The following UNC13C variants were observed in gnomAD, a reference collection of about 807,000 sequenced individuals.
The protein encoded by UNC13C is protein unc-13 homolog C.
Under a neutral mutation model 245.4 loss-of-function variants are expected in UNC13C, and 174 were observed. The observed-to-expected ratio is 0.71, with a 90% CI of 0.63 to 0.80. The LOEUF (loss-of-function observed/expected upper bound fraction) is 0.80. Ranked by LOEUF, UNC13C falls within the 30% of genes least tolerant of loss-of-function variation. The pLI is 0.00. For synonymous variants in UNC13C, 992 were observed against 895.1 expected (o/e 1.11, Z -1.93); for missense variants, 2,829 against 2,602.9 (o/e 1.09, Z -1.89).
chr15:54,506,358 G>C (rs908811496), intron 22 of UNC13C, among the ~76,000 whole-genome samples: 1 of 152,070 alleles, frequency 6.6e-6, no homozygotes, highest in Non-Finnish European at 1.5e-5. Flanking sequence ...CAAAGTAATT[G>C]AACAGTATGT....
chr15:53,926,838 G>A, the UNC13C span, among the ~76,000 whole-genome samples: 7 of 152,162 alleles, frequency 4.6e-5, no homozygotes, highest in East Asian at 1.9e-4. Flanking sequence ...GGAATGGAAC[G>A]GCAGGACAGG....
intron 11 of UNC13C, among the ~76,000 whole-genome samples, chr15:54,295,491 T>A (rs2037404125): frequency 6.6e-6 from 1 of 151,630 alleles, no homozygotes; most frequent in Non-Finnish European, 1.5e-5. Flanking sequence ...CTACCAAAAA[T>A]TTAAAAAATA....
At chr15:54,418,902 A>G (rs572576551) in intron 19 of UNC13C, among the ~76,000 whole-genome samples, 51 of 152,190 alleles carry the variant, frequency 3.4e-4, no homozygotes, top group South Asian at 2.1e-3. Context: ...CCTCTTTCAC[A>G]CTTATAGTAA....
At chr15:54,184,669 G>A (rs932073992) in intron 4 of UNC13C, among the ~76,000 whole-genome samples, 9 of 152,144 alleles carry the variant, frequency 5.9e-5, no homozygotes, top group East Asian at 1.9e-4. Flanking sequence ...GTCCATCATC[G>A]TTGGACATTT....
chr15:53,874,529 A>G, the UNC13C span, among the ~76,000 whole-genome samples: 1 of 152,140 alleles, frequency 6.6e-6, no homozygotes, highest in South Asian at 2.1e-4. Context: ...AGATTATCCA[A>G]CTAGCTATTT....
At chr15:54,180,414 C>T (rs2033758715) in intron 4 of UNC13C, among the ~76,000 whole-genome samples, 1 of 152,008 alleles carries the variant, frequency 6.6e-6, no homozygotes, top group Non-Finnish European at 1.5e-5. Flanking sequence ...TGGATGGGCA[C>T]CTAGGCTGAT....
the UNC13C span, among the ~76,000 whole-genome samples, chr15:53,939,852 CTTTA>C: frequency 6.6e-6 from 1 of 151,950 alleles, no homozygotes; most frequent in South Asian, 2.1e-4. Flanking sequence ...TCAGGCAAGC[CTTTA>C]TTTAACCTGC....
the UNC13C span, among the ~76,000 whole-genome samples, chr15:53,886,573 T>C: frequency 2.6e-5 from 4 of 152,166 alleles, no homozygotes; most frequent in Admixed American, 6.6e-5. Context: ...GAACAACAAG[T>C]AATCTATGAA....
intron 19 of UNC13C, among the ~76,000 whole-genome samples, chr15:54,423,685 A>C (rs955893984): frequency 6.6e-6 from 1 of 151,990 alleles, no homozygotes; most frequent in South Asian, 2.1e-4. Context: ...CAATCAAGAA[A>C]ATAAAGTTGG....
intron 18 of UNC13C, among the ~76,000 whole-genome samples, chr15:54,408,182 A>G: frequency 8.3e-6 from 1 of 121,154 alleles, no homozygotes; most frequent in Non-Finnish European, 1.6e-5. Flanking sequence ...CCTGGGTGAC[A>G]GAGTGAGACT....
intron 2 of UNC13C, among the ~76,000 whole-genome samples, chr15:54,052,964 A>G (rs905532561): frequency 6.6e-6 from 1 of 152,196 alleles, no homozygotes; most frequent in African/African-American, 2.4e-5. Context: ...TAATAAATTT[A>G]GAAATCCAGT....
intron 4 of UNC13C, among the ~76,000 whole-genome samples, chr15:54,156,331 C>G (rs533663725): frequency 4.6e-5 from 7 of 152,136 alleles, no homozygotes; most frequent in Admixed American, 1.3e-4. Context: ...GGCTTAGACT[C>G]TAAGGTGCCA....
the UNC13C span, among the ~76,000 whole-genome samples, chr15:53,888,085 G>A: frequency 6.6e-6 from 1 of 152,244 alleles, no homozygotes; most frequent in Middle Eastern, 3.4e-3. Context: ...GGGATTGCTG[G>A]GTCAAATGGT....
rs753823142 is a variant in UNC13C at position 54,143,623 on chromosome 15, C to A, written c.3010C>A (p.Arg1004=). ...TTTCTCTTACTCTTCATTTAAGGCTCGAATAGTAAGTGGCAATGATTTGGA... is the reference window on the plus strand; with the variant it reads ...TTTCTCTTACTCTTCATTTAAGGCTAGAATAGTAAGTGGCAATGATTTGGA... The part of the protein sequence containing the change: ...GDSSSVDEKA[R]IVSGNDLDAS... The change falls in exon 4 of 33, where the codon CGA becomes AGA. Residue 1004 remains arginine, a synonymous_variant. Coordinates refer to ENST00000260323, the MANE Select transcript of UNC13C (RefSeq NM_001080534.3). The A allele has an allele frequency of 6.2e-6, 10 of 1,612,742 alleles. No individual in the cohort carries two copies. Among genetic ancestry groups the A allele is most frequent in the Non-Finnish European group, 8.5e-6 (10 of 1,179,036 alleles).
At chr15:54,291,859 A>G (rs960176563) in intron 10 of UNC13C, among the ~76,000 whole-genome samples, 3 of 152,140 alleles carry the variant, frequency 2.0e-5, no homozygotes, top group African/African-American at 7.2e-5. Flanking sequence ...TTGAAAAATC[A>G]GTATAATGTT....
intron 2 of UNC13C, among the ~76,000 whole-genome samples, chr15:54,132,968 T>C (rs1370631696): frequency 6.6e-6 from 1 of 152,140 alleles, no homozygotes; most frequent in African/African-American, 2.4e-5. Flanking sequence ...GGTAAAACAT[T>C]GAGGGAGAAA....
At chr15:54,396,746 A>T (rs2040077737) in intron 18 of UNC13C, among the ~76,000 whole-genome samples, 1 of 151,416 alleles carries the variant, frequency 6.6e-6, no homozygotes, top group African/African-American at 2.4e-5. Flanking sequence ...TCTAACTATG[A>T]TTTTAATTTG....
At chr15:54,182,764 A>G (rs1167552762) in intron 4 of UNC13C, among the ~76,000 whole-genome samples, 1 of 152,102 alleles carries the variant, frequency 6.6e-6, no homozygotes, top group Non-Finnish European at 1.5e-5. Flanking sequence ...TTGAAATTGA[A>G]GGAAAATAAT....
At chr15:54,002,959 C>G (rs1308376934) in intron 1 of UNC13C, among the ~76,000 whole-genome samples, 1 of 152,136 alleles carries the variant, frequency 6.6e-6, no homozygotes, top group East Asian at 1.9e-4. Flanking sequence ...TCCAGCTCTG[C>G]TGTATGAACT....
Sources: allele counts gnomAD v4.1 joint callset (sites outside exome capture counted in the v4.1 genomes callset), GRCh38; gene constraint gnomAD v4.1.1; transcripts MANE v1.5; gene names NCBI Gene and HGNC (gene_info 2026-07-23, HGNC 2026-07-21).